Variants in GLA observed in about 807,000 individuals in gnomAD.
GLA encodes the protein galactosidase alpha.
GLA carries 4 observed loss-of-function variants against 28.2 expected under a neutral mutation model. The ratio of observed to expected loss-of-function variants is 0.14; its 90% CI spans 0.07 to 0.32. The LOEUF is 0.32. Among genes scored for constraint, GLA ranks in the 10% least tolerant of loss-of-function variants. GLA has a pLI of 1.00. For synonymous variants in GLA, 94 were observed against 113.0 expected, an observed-to-expected ratio of 0.83 and a Z score of 1.07; for missense variants, 203 against 323.7, an observed-to-expected ratio of 0.63 and a Z score of 2.86.
chrX:101,400,936 A>G, intron 3 of GLA, 179 bp from the exon 4 acceptor site: 1 of 303,536 alleles, frequency 3.3e-6, no homozygotes, highest in Non-Finnish European at 5.7e-6. Flanking sequence ...CCCAGGTTCA[A>G]GTGACTCTTC....
rs782019346 is a variant in GLA at position 101,405,908 on chromosome X, A to AC, written c.194+1801dup. On this transcript the variant is annotated intron_variant, in intron 1 of 6. Transcript: ENST00000218516. ...ACTCCAACCTGGGTGACAGAGTGAG[A>AC]CCCCCTCTCAAAAAAAAAAGTAAGG... 1.1e-3 allele frequency among the ~76,000 whole-genome samples: 117 copies of AC among 103,165 alleles called. No individual in the cohort carries two copies. The South Asian group carries it at 0.022, about 19-fold the overall frequency. 89.6% of individuals were successfully genotyped at this position (103,165 alleles called of 115,157 possible).
At chrX:101,399,302 C>T (rs183389833) in intron 4 of GLA, among the ~76,000 whole-genome samples, 2 of 112,955 alleles carry the variant, frequency 1.8e-5, no homozygotes, top group Admixed American at 1.9e-4. Context: ...CACGGTGGCT[C>T]ATGCCTGTAA....
At chrX:101,407,666 A>T in intron 1 of GLA, 44 bp downstream of exon 1, 2 of 1,131,986 alleles carry the variant, frequency 1.8e-6, no homozygotes, top group Non-Finnish European at 2.4e-6. Context: ...ACACACCCAA[A>T]CACATGGAAA....
chrX:101,400,406 TTA>T (rs1196072064), intron 4 of GLA, among the ~76,000 whole-genome samples: 2 of 110,438 alleles, frequency 1.8e-5, no homozygotes, highest in East Asian at 5.7e-4. Context: ...AGGAGATATT[TTA>T]GAGATACTGG....
intron 3 of GLA, chrX:101,401,371 C>T (rs1928309037): frequency 5.1e-6 from 2 of 394,255 alleles, no homozygotes; most frequent in Admixed American, 4.2e-5. Flanking sequence ...TAGAGAGTTA[C>T]AATTACTAAT....
At position 101,407,872 on chromosome X, in the gene GLA, C is replaced by A. The variant is rs782498765; in HGVS notation, c.32G>T (p.Gly11Val). The A allele has an allele frequency of 8.3e-7, 1 of 1,210,003 alleles. No individual in the cohort carries two copies. Among genetic ancestry groups the A allele is most frequent in the Admixed American group, 2.2e-5 (1 of 45,883 alleles). The change falls in exon 1 of 7, where the codon GGC (glycine) becomes GTC (valine). Residue 11 changes from glycine to valine, a missense_variant. Physicochemically the swap from Gly to Val is moderately radical, Grantham distance 109. Transcript: ENST00000218516. MQLRNPELHLGCALALRFLAL... is the reference protein window; with the variant it reads MQLRNPELHLVCALALRFLAL... ...CAGGAAGCGAAGCGCAAGCGCGCAG[C>A]CCAGATGTAGTTCTGGGTTCCTCAG...
intron 1 of GLA, among the ~76,000 whole-genome samples, chrX:101,407,490 G>GAGAGAGAGA (rs1555987048): frequency 9.0e-6 from 1 of 111,267 alleles, no homozygotes; most frequent in African/African-American, 3.3e-5. Flanking sequence ...GAAAGAAACA[G>GAGAGAGAGA]GGGCCGCTGG....
chrX:101,406,040 T>TAA (rs34454314), intron 1 of GLA, among the ~76,000 whole-genome samples: 1,556 of 42,485 alleles, frequency 0.037, 130 homozygotes, highest in African/African-American at 0.15. Context: ...CCGTCTGTAC[T>TAA]AAAAAAAAAA....
intron 5 of GLA, 107 bp downstream of exon 5, chrX:101,398,678 C>T: frequency 1.9e-6 from 2 of 1,032,728 alleles, no homozygotes; most frequent in Non-Finnish European, 2.7e-6. Flanking sequence ...TCTAAGTACT[C>T]TCACATAAAG....
chrX:101,404,142 G>C (rs1928417029), intron 1 of GLA, among the ~76,000 whole-genome samples, 157 bp from the exon 2 acceptor site: 1 of 112,306 alleles, frequency 8.9e-6, no homozygotes, highest in African/African-American at 3.2e-5. Flanking sequence ...TGTTTTTCCA[G>C]ATTTTCTTTT....
At chrX:101,400,558 T>C (rs782223057) in intron 4 of GLA, 108 bp downstream of exon 4, 14 of 519,271 alleles carry the variant, frequency 2.7e-5, no homozygotes, top group East Asian at 2.2e-4. Context: ...GGAGAGATGG[T>C]AGGATGATAG....
At chrX:101,398,154 A>C in intron 6 of GLA, 55 bp from the exon 7 acceptor site, 7 of 1,047,348 alleles carry the variant, frequency 6.7e-6, no homozygotes, top group Non-Finnish European at 9.3e-6. Flanking sequence ...TGGCCCTGTT[A>C]GTTTGGCATT....
chrX:101,405,168 G>A (rs1047938500), intron 1 of GLA, among the ~76,000 whole-genome samples: 1 of 105,042 alleles, frequency 9.5e-6, no homozygotes, highest in Non-Finnish European at 1.9e-5. Flanking sequence ...CCTGGGAGGC[G>A]GAGGTTGCGG....
chrX:101,407,361 A>G (rs1190102640), intron 1 of GLA, among the ~76,000 whole-genome samples: 1 of 111,356 alleles, frequency 9.0e-6, no homozygotes, highest in Non-Finnish European at 1.9e-5. Context: ...CACACTGCCT[A>G]TGGGGTGGCC....
At chrX:101,405,692 G>A (rs1472404263) in intron 1 of GLA, among the ~76,000 whole-genome samples, 3 of 110,543 alleles carry the variant, frequency 2.7e-5, no homozygotes, top group Non-Finnish European at 5.7e-5. Flanking sequence ...AGGCCAAGGC[G>A]GGCAGATCAC....
At chrX:101,398,232 G>A in intron 6 of GLA, 133 bp from the exon 7 acceptor site, 1 of 771,233 alleles carries the variant, frequency 1.3e-6, no homozygotes, top group Non-Finnish European at 2.0e-6. Flanking sequence ...CATTATTTTG[G>A]AAATAAAGTA....
intron 1 of GLA, among the ~76,000 whole-genome samples, chrX:101,407,482 A>AGAGAGAGAGAGAGAGAGAG (rs1928566305): frequency 9.9e-6 from 1 of 101,183 alleles, no homozygotes; most frequent in African/African-American, 4.0e-5. Context: ...GAGAGAGAGA[A>AGAGAGAGAGAGAGAGAGAG]AGAAACAGGG....
At position 101,398,609 on chromosome X, in the gene GLA, A is replaced by G. The variant is rs188036247; in HGVS notation, c.802-42T>C. 31 of 1,123,844 alleles carry G rather than the reference A, an allele frequency of 2.8e-5. No homozygotes were observed. In the East Asian group the frequency reaches 9.0e-4, roughly 33 times the overall value. The allele number at this position is 1,123,844 out of a possible 1,213,427, so 92.6% of individuals were successfully genotyped here. A position where few individuals can be genotyped will look rare whatever the true frequency, so the allele number is the denominator to read the frequency against. On this transcript the variant is annotated intron_variant, in intron 5 of 6. Transcript: ENST00000218516. ...AATAATTCAAACAAGAGAGGAGGAA[A>G]CATTCTTAAAGTTACCTAGATGACC... is the stretch of plus-strand genomic sequence containing the variant.
At chrX:101,406,289 G>C (rs1426042467) in intron 1 of GLA, among the ~76,000 whole-genome samples, 2 of 108,753 alleles carry the variant, frequency 1.8e-5, no homozygotes, top group Non-Finnish European at 3.8e-5. Context: ...TTTGAGCCCA[G>C]ACTGGGTGCC....
Sources: allele counts gnomAD v4.1 joint callset (sites outside exome capture counted in the v4.1 genomes callset), GRCh38; gene constraint gnomAD v4.1.1; transcripts MANE v1.5; gene names NCBI Gene and HGNC (gene_info 2026-07-23, HGNC 2026-07-21).